RFWD3: variants seen among roughly 807,000 people sequenced by gnomAD.
The protein encoded by RFWD3 is ring finger and WD repeat domain 3, also known as E3 ubiquitin-protein ligase RFWD3.
In RFWD3, 65 loss-of-function variants were observed where a neutral mutation model predicts 87.7. The ratio of observed to expected loss-of-function variants is 0.74; its 90% confidence interval spans 0.61 to 0.91. The LOEUF (loss-of-function observed/expected upper bound fraction) is 0.91. Among genes scored for constraint, RFWD3 ranks in the 40% least tolerant of loss-of-function variants. The pLI, the probability that RFWD3 is intolerant of heterozygous loss-of-function variation, is 0.00. For synonymous variants in RFWD3, 433 were observed against 352.8 expected (o/e 1.23, Z -2.55); for missense variants, 1,078 against 938.5 (o/e 1.15, Z -1.94).
intron 4 of RFWD3, among the ~76,000 whole-genome samples, chr16:74,645,385 A>G (rs1302716104): frequency 6.6e-6 from 1 of 152,250 alleles, no homozygotes. Flanking sequence ...GACAATGGGA[A>G]TACATTCTGA....
intron 2 of RFWD3, among the ~76,000 whole-genome samples, chr16:74,655,016 C>T (rs1279213088): frequency 2.6e-5 from 4 of 152,168 alleles, no homozygotes; most frequent in South Asian, 4.1e-4. Context: ...CAGCAGCAAG[C>T]GCTGACATTG....
At position 74,639,041 on chromosome 16, in the gene RFWD3, T is replaced by C. The variant is rs1034079432; in HGVS notation, c.1080-1071A>G. ...GGTAATGCATTGAGCTAAGACTTTT[T>C]TTTTTTTTTTTTTTTTAGCCCGAGT... On this transcript the variant is annotated intron_variant, in intron 6 of 12. Transcript: ENST00000361070. Among the ~76,000 whole-genome samples, 113 of 147,874 alleles carry C rather than the reference T, an allele frequency of 7.6e-4. 1 individual carries two copies. The East Asian group carries it at 0.018, about 23-fold the overall frequency.
chr16:74,635,441 T>C (rs1377859449), intron 8 of RFWD3, among the ~76,000 whole-genome samples: 1 of 150,598 alleles, frequency 6.6e-6, no homozygotes, highest in Non-Finnish European at 1.5e-5. Flanking sequence ...CACTCCAGCC[T>C]GCGCAAAAGA....
At chr16:74,630,718 T>A in intron 10 of RFWD3, 63 bp downstream of exon 10, 1 of 1,439,950 alleles carries the variant, frequency 6.9e-7, no homozygotes, top group Non-Finnish European at 9.3e-7. Flanking sequence ...GAAGAGACGA[T>A]TAACACAATA....
At chr16:74,655,238 A>G (rs183422964) in intron 2 of RFWD3, among the ~76,000 whole-genome samples, 9 of 152,082 alleles carry the variant, frequency 5.9e-5, no homozygotes, top group Non-Finnish European at 1.2e-4. Flanking sequence ...CTTCAGTTGA[A>G]GCCGATGCTC....
At position 74,626,494 on chromosome 16, in the gene RFWD3, G is replaced by A. The variant is rs1958937354; in HGVS notation, c.2030C>T (p.Thr677Ile). 3 of 1,614,128 alleles carry A rather than the reference G, an allele frequency of 1.9e-6. No individual in the cohort carries two copies. The East Asian group carries it at 6.7e-5, about 36-fold the overall frequency. ...LMEMSYRLDD[T>I]GNPICSCQPV... ...CTGGCAGGAGCAGATTGGATTTCCA[G>A]TGTCATCCAGTCGGTAGGACATTTC... is the stretch of plus-strand genomic sequence containing the variant. The change falls in exon 12 of 13, where the codon ACT (threonine) becomes ATT (isoleucine). Residue 677 changes from threonine to isoleucine, a missense_variant. Coordinates refer to ENST00000361070, the MANE Select transcript of RFWD3 (RefSeq NM_018124.4).
Position 74,644,628 on chromosome 16 carries a change from G to T in RFWD3, c.900C>A (p.His300Gln). Residue 300 changes from histidine (H) to glutamine (Q), a missense_variant, in exon 5 of 13, where the codon CAC becomes CAA. Coordinates refer to ENST00000361070, the MANE Select transcript of RFWD3 (RefSeq NM_018124.4). ...CLEQWTNAGD[H>Q]RLSALRCGHL... The stretch of plus-strand genomic sequence containing the variant: ...GCCCACAGCGTAATGCTGAGAGCCG[G>T]TGGTCCCCAGCATTGGTCCACTGTT... 6.2e-7 allele frequency: 1 copy of T among 1,614,168 alleles called. No homozygotes were observed. The highest frequency in any genetic ancestry group is 2.2e-5 in the East Asian group (1 of 44,882).
chr16:74,640,221 C>T (rs889308566), intron 6 of RFWD3, among the ~76,000 whole-genome samples: 7 of 151,070 alleles, frequency 4.6e-5, no homozygotes, highest in Non-Finnish European at 4.4e-5. Context: ...TGGCTCACTG[C>T]AACCTCCGCC....
intron 4 of RFWD3, among the ~76,000 whole-genome samples, chr16:74,647,336 G>A (rs1597441542): frequency 6.6e-6 from 1 of 151,898 alleles, no homozygotes; most frequent in South Asian, 2.1e-4. Context: ...TACCCAGGCT[G>A]GAGTGCAATG....
Position 74,644,749 on chromosome 16 carries a change from A to G in RFWD3, c.793-14T>C. 3 of 1,596,176 alleles carry G rather than the reference A, an allele frequency of 1.9e-6. No homozygotes were observed. On this transcript the variant is annotated splice_polypyrimidine_tract_variant and intron_variant, in intron 4 of 12. Transcript: ENST00000361070. ...CTGGGGAGATGGCTAGATGGAAAGCAGAATATATTCAAATTAGAGAAAATG... is the reference window on the plus strand; with the variant it reads ...CTGGGGAGATGGCTAGATGGAAAGCGGAATATATTCAAATTAGAGAAAATG...
At chr16:74,662,844 A>G (rs1447035176) in intron 1 of RFWD3, among the ~76,000 whole-genome samples, 1 of 151,978 alleles carries the variant, frequency 6.6e-6, no homozygotes, top group Non-Finnish European at 1.5e-5. Flanking sequence ...CCTAGGCAAG[A>G]GTGGTAGCAG....
chr16:74,658,180 T>C (rs1961146664), intron 2 of RFWD3, among the ~76,000 whole-genome samples: 1 of 152,206 alleles, frequency 6.6e-6, no homozygotes, highest in Non-Finnish European at 1.5e-5. Context: ...CCCTACTCTC[T>C]GTAGTCCTAG....
chr16:74,634,791 T>G (rs1959179827), intron 8 of RFWD3, among the ~76,000 whole-genome samples: 1 of 145,338 alleles, frequency 6.9e-6, no homozygotes, highest in Non-Finnish European at 1.5e-5. Context: ...CTAGCAGAAT[T>G]AAGACAGCCA....
Position 74,636,367 on chromosome 16 carries a change from G to A in RFWD3, c.1405C>T (p.Pro469Ser). The change falls in exon 8 of 13, where the codon CCT becomes TCT. Residue 469 changes from proline (P) to serine (S), a missense_variant. Physicochemically the swap from Pro to Ser is moderately conservative, Grantham distance 74. Coordinates refer to ENST00000361070, the MANE Select transcript of RFWD3 (RefSeq NM_018124.4). ...TTACCTGGAAGAAAAGAGGCCTGAG[G>A]AGAAGGCTGTGATATCACCAGGCAG... Reference protein sequence around the residue: ...LSCLVISQPSPQASFLPGFGV... With the variant: ...LSCLVISQPSSQASFLPGFGV... 2 of 1,614,126 alleles carry A rather than the reference G, an allele frequency of 1.2e-6. No individual in the cohort carries two copies. The highest frequency in any genetic ancestry group is 1.1e-5 in the South Asian group (1 of 91,076).
chr16:74,628,629 C>T lies in RFWD3; in HGVS notation c.1792G>A (p.Ala598Thr), dbSNP rs766943919. ...LVSLSYMPRA[A>T]SAAFPYGGVL... is the part of the protein sequence containing the mutation. ...CCACCATATGGAAATGCAGCTGAGG[C>T]AGCTCTGGGCATGTATGACAGGGAG... The change falls in exon 11 of 13, where the codon GCC (alanine) becomes ACC (threonine). Residue 598 changes from alanine to threonine, a missense_variant. Physicochemically the swap from Ala to Thr is moderately conservative, Grantham distance 58 (BLOSUM62 0). Coordinates refer to ENST00000361070, the MANE Select transcript of RFWD3 (RefSeq NM_018124.4). 1 of 1,614,174 alleles carries T rather than the reference C, an allele frequency of 6.2e-7. No individual in the cohort carries two copies. The highest frequency in any genetic ancestry group is 1.1e-5 in the South Asian group (1 of 91,078).
intron 6 of RFWD3, among the ~76,000 whole-genome samples, chr16:74,642,632 C>A (rs557346477): frequency 6.6e-6 from 1 of 152,216 alleles, no homozygotes; most frequent in South Asian, 2.1e-4. Context: ...GCTGAGACTA[C>A]AGGTGTGTAC....
chr16:74,646,145 C>A (rs1960124138), intron 4 of RFWD3, among the ~76,000 whole-genome samples: 1 of 152,176 alleles, frequency 6.6e-6, no homozygotes. Flanking sequence ...GAGGCCAAGG[C>A]AGGAGGATTC....
chr16:74,666,259 T>C (rs1196966633), intron 1 of RFWD3: 1 of 152,262 alleles, frequency 6.6e-6, no homozygotes, highest in Non-Finnish European at 1.5e-5. Flanking sequence ...CCTGTTCTTT[T>C]ACTACATGGG....
chr16:74,659,909 G>A (rs1446199684), intron 2 of RFWD3, among the ~76,000 whole-genome samples: 2 of 151,986 alleles, frequency 1.3e-5, no homozygotes, highest in Non-Finnish European at 2.9e-5. Context: ...AGAAAACATC[G>A]GCATGGTTGC....
Sources: gnomAD v4.1 joint callset for allele counts (sites outside exome capture counted in the v4.1 genomes callset) on GRCh38, gnomAD v4.1.1 for gene constraint, MANE v1.5 for transcripts, NCBI Gene and HGNC (gene_info 2026-07-23, HGNC 2026-07-21) for gene names.